Variants in CFAP58 observed in about 807,000 individuals in gnomAD.
CFAP58 encodes cilia and flagella associated protein 58.
Under a neutral mutation model 119.5 loss-of-function variants are expected in CFAP58, and 88 were observed. The observed-to-expected ratio is 0.74, with a 90% CI of 0.62 to 0.88. The LOEUF (loss-of-function observed/expected upper bound fraction) is 0.88. Ranked by LOEUF, CFAP58 falls within the 40% of genes least tolerant of loss-of-function variation. The pLI, the probability that CFAP58 is intolerant of heterozygous loss-of-function variation, is 0.00. For missense variants in CFAP58, 990 were observed against 1,021.2 expected, an observed-to-expected ratio of 0.97 and a Z score of 0.42; for synonymous variants, 365 against 366.3, an observed-to-expected ratio of 1.00 and a Z score of 0.04.
In CFAP58 at chr10:104,392,289, G is replaced by A. The variant is rs376065077; in HGVS notation, c.1422G>A (p.Arg474=). 29 of 1,611,328 alleles carry A rather than the reference G, an allele frequency of 1.8e-5. 1 individual carries two copies. Among genetic ancestry groups the A allele is most frequent in the Middle Eastern group, 3.3e-4 (2 of 6,052 alleles). Residue 474 remains arginine, a synonymous_variant, in exon 10 of 18, where the codon AGG becomes AGA. Coordinates refer to ENST00000369704, the MANE Select transcript of CFAP58 (RefSeq NM_001008723.2). ...KVRETQIFDY[R]KKIAESEIKL... The stretch of plus-strand genomic sequence containing the variant: ...GTGAAACACAGATTTTTGACTACAG[G>A]AAAAAAATAGCTGAATCAGAGATTA...
At chr10:104,443,809 G>T (rs951945655) in intron 15 of CFAP58, among the ~76,000 whole-genome samples, 4 of 152,160 alleles carry the variant, frequency 2.6e-5, no homozygotes, top group African/African-American at 9.7e-5. Context: ...AATTTCCATT[G>T]TGAGGTTACA....
intron 7 of CFAP58, among the ~76,000 whole-genome samples, chr10:104,372,998 C>T (rs1184361034): frequency 1.3e-5 from 2 of 151,918 alleles, no homozygotes; most frequent in African/African-American, 4.8e-5. Flanking sequence ...TGAAAAACTA[C>T]CAGAACTAAC....
At chr10:104,431,972 C>A (rs1186831414) in intron 15 of CFAP58, among the ~76,000 whole-genome samples, 1 of 151,944 alleles carries the variant, frequency 6.6e-6, no homozygotes, top group Non-Finnish European at 1.5e-5. Flanking sequence ...AGATGATGAA[C>A]ATTTAGGTTT....
At chr10:104,370,388 A>G (rs914979833) in intron 6 of CFAP58, among the ~76,000 whole-genome samples, 4 of 152,228 alleles carry the variant, frequency 2.6e-5, no homozygotes, top group African/African-American at 9.6e-5. Context: ...GAGGCCTCAC[A>G]ATCATGGTGG....
chr10:104,379,009 A>C (rs2011727053), intron 8 of CFAP58, among the ~76,000 whole-genome samples: 1 of 151,464 alleles, frequency 6.6e-6, no homozygotes, highest in Non-Finnish European at 1.5e-5. Flanking sequence ...TTTTTAAAAA[A>C]CTGAGTTAAT....
chr10:104,355,432 C>T (rs981142239), intron 1 of CFAP58, among the ~76,000 whole-genome samples: 5 of 152,176 alleles, frequency 3.3e-5, no homozygotes, highest in Admixed American at 6.5e-5. Context: ...TTCCATTTCC[C>T]TCTTTCTGTT....
chr10:104,353,958 C>A, intron 1 of CFAP58, 52 bp downstream of exon 1: 1 of 1,598,408 alleles, frequency 6.3e-7, no homozygotes, highest in Non-Finnish European at 8.6e-7. Flanking sequence ...TCCCCATTGT[C>A]CCTCTCCTAC....
intron 15 of CFAP58, among the ~76,000 whole-genome samples, chr10:104,440,721 A>T (rs2013022982): frequency 6.6e-6 from 1 of 152,240 alleles, no homozygotes; most frequent in African/African-American, 2.4e-5. Flanking sequence ...AAAATGGATT[A>T]ACTTCAAGTG....
At position 104,358,327 on chromosome 10, in the gene CFAP58, CT is replaced by C; in HGVS notation, c.10-7del. On this transcript the variant is annotated splice_polypyrimidine_tract_variant and intron_variant, in intron 1 of 17. Coordinates refer to ENST00000369704, the MANE Select transcript of CFAP58 (RefSeq NM_001008723.2). Reference sequence around the variant, plus strand: ...GTTGCATTGCCCTTTCCCATCCCTGCTTTTTTTCTATAGGAAAAGGGTGGAA... The same window carrying C: ...GTTGCATTGCCCTTTCCCATCCCTGCTTTTTTCTATAGGAAAAGGGTGGAA... The C allele has an allele frequency of 1.2e-6, 2 of 1,601,990 alleles. No homozygotes were observed. Among genetic ancestry groups the C allele is most frequent in the East Asian group, 4.5e-5 (2 of 44,706 alleles).
intron 4 of CFAP58, 92 bp from the exon 5 acceptor site, chr10:104,365,722 C>T: frequency 8.7e-7 from 1 of 1,153,072 alleles, no homozygotes; most frequent in Non-Finnish European, 1.2e-6. Flanking sequence ...CCTTGACAAT[C>T]ACAGACCTGA....
chr10:104,374,306 A>AG (rs888906980), intron 7 of CFAP58, among the ~76,000 whole-genome samples: 1 of 151,734 alleles, frequency 6.6e-6, no homozygotes, highest in Non-Finnish European at 1.5e-5. Context: ...CCAGAAAAAA[A>AG]AAAGAAAGAA....
intron 15 of CFAP58, among the ~76,000 whole-genome samples, chr10:104,414,196 T>G (rs2012508166): frequency 6.6e-6 from 1 of 152,192 alleles, no homozygotes; most frequent in Non-Finnish European, 1.5e-5. Context: ...TTTAAAGAGC[T>G]GGAAATGCAG....
chr10:104,435,646 C>T (rs1000542061), intron 15 of CFAP58, among the ~76,000 whole-genome samples: 1 of 152,170 alleles, frequency 6.6e-6, no homozygotes, highest in Non-Finnish European at 1.5e-5. Flanking sequence ...ACTCTTCTTT[C>T]TTGGTCTTTT....
the CFAP58 span, among the ~76,000 whole-genome samples, chr10:104,344,660 A>G: frequency 3.3e-5 from 5 of 152,252 alleles, no homozygotes; most frequent in African/African-American, 1.2e-4. Context: ...CTAAAATGCA[A>G]TGGTATCTTA....
the CFAP58 span, among the ~76,000 whole-genome samples, chr10:104,344,769 T>A: frequency 6.6e-6 from 1 of 152,114 alleles, no homozygotes; most frequent in African/African-American, 2.4e-5. Context: ...AAGCACCTGT[T>A]CCCAGTAAAT....
intron 14 of CFAP58, among the ~76,000 whole-genome samples, 174 bp downstream of exon 14, chr10:104,404,014 C>T (rs2012315202): frequency 6.6e-6 from 1 of 152,200 alleles, no homozygotes; most frequent in African/African-American, 2.4e-5. Context: ...CCAGATGGTT[C>T]ATTTGGGTTT....
At chr10:104,365,725 A>T in intron 4 of CFAP58, 89 bp from the exon 5 acceptor site, 2 of 1,171,322 alleles carry the variant, frequency 1.7e-6, no homozygotes, top group Non-Finnish European at 1.2e-6. Context: ...TGACAATCAC[A>T]GACCTGAGAG....
At chr10:104,352,083 A>G (rs1038830384), upstream of CFAP58, among the ~76,000 whole-genome samples, 3 of 152,226 alleles carry the variant, frequency 2.0e-5, no homozygotes, top group Non-Finnish European at 4.4e-5. Flanking sequence ...TGAAAGCAAA[A>G]AATGAGCTTA....
chr10:104,446,849 A>G (rs1489224764), intron 15 of CFAP58, among the ~76,000 whole-genome samples: 1 of 152,198 alleles, frequency 6.6e-6, no homozygotes, highest in African/African-American at 2.4e-5. Flanking sequence ...TGAGGATTTC[A>G]TATTGTTTAT....
Sources: allele counts gnomAD v4.1 joint callset (sites outside exome capture counted in the v4.1 genomes callset), GRCh38; gene constraint gnomAD v4.1.1; transcripts MANE v1.5; gene names NCBI Gene and HGNC (gene_info 2026-07-23, HGNC 2026-07-21).